EMC2: variants seen among roughly 807,000 people sequenced by gnomAD.
EMC2 encodes the protein ER membrane protein complex subunit 2, also known as TPR repeat protein 35.
In EMC2, 37 loss-of-function variants were observed where a neutral mutation model predicts 51.6. The ratio of observed to expected loss-of-function variants is 0.72; its 90% CI spans 0.55 to 0.94. The LOEUF (loss-of-function observed/expected upper bound fraction) is 0.94. Among genes scored for constraint, EMC2 ranks in the 40% least tolerant of loss-of-function variants. EMC2 has a pLI of 0.00. For missense variants in EMC2, 359 were observed against 350.9 expected (o/e 1.02, Z -0.18); for synonymous variants, 131 against 112.4 (o/e 1.17, Z -1.04).
At chr8:108,467,373 G>A (rs562027790) in intron 5 of EMC2, among the ~76,000 whole-genome samples, 14 of 150,502 alleles carry the variant, frequency 9.3e-5, no homozygotes, top group Admixed American at 7.9e-4. Flanking sequence ...TTTTGAGACC[G>A]AGTCTCGCTC....
chr8:108,481,433 G>A (rs998089209), intron 10 of EMC2, among the ~76,000 whole-genome samples: 2 of 151,874 alleles, frequency 1.3e-5, no homozygotes, highest in African/African-American at 4.8e-5. Context: ...GAGTAGGCTT[G>A]GGGGTGTGTG....
rs544424989 is a variant in EMC2 at position 108,450,754 on chromosome 8, A to G, written c.219+262A>G. ...ATCTGCTTAGTAAGTGACTTATCCT[A>G]TTTTATAGAGTTTAAAATAAGAAAG... is the stretch of plus-strand genomic sequence containing the variant. On this transcript the variant is annotated intron_variant, in intron 3 of 10. Transcript: ENST00000220853. 3.9e-5 allele frequency among the ~76,000 whole-genome samples: 6 copies of G among 152,298 alleles called. No homozygotes were observed. The East Asian group carries it at 1.2e-3, about 29-fold the overall frequency.
At chr8:108,469,710 G>T (rs1810812682) in intron 5 of EMC2, 116 bp from the exon 6 acceptor site, 1 of 804,602 alleles carries the variant, frequency 1.2e-6, no homozygotes, top group Non-Finnish European at 2.1e-6. Flanking sequence ...CTAAGCAGTA[G>T]TTCTACAATG....
intron 9 of EMC2, 31 bp downstream of exon 9, chr8:108,476,923 T>C (rs773760939): frequency 1.9e-6 from 2 of 1,052,534 alleles, no homozygotes; most frequent in Non-Finnish European, 3.0e-6. Context: ...AATGTTATTT[T>C]TAAAAATCTG....
intron 5 of EMC2, among the ~76,000 whole-genome samples, chr8:108,461,072 A>G (rs181586495): frequency 5.4e-4 from 83 of 152,360 alleles, no homozygotes; most frequent in African/African-American, 1.9e-3. Flanking sequence ...CTAATATGCA[A>G]CAGCTAAAGT....
intron 3 of EMC2, among the ~76,000 whole-genome samples, chr8:108,452,136 T>C (rs2130340977): frequency 6.6e-6 from 1 of 152,372 alleles, no homozygotes; most frequent in African/African-American, 2.4e-5. Context: ...GCTGAGAATG[T>C]AGATACTCAG....
At chr8:108,449,336 C>T (rs939839313) in intron 1 of EMC2, among the ~76,000 whole-genome samples, 8 of 151,438 alleles carry the variant, frequency 5.3e-5, no homozygotes, top group Non-Finnish European at 8.8e-5. Context: ...TGCAGTGGCA[C>T]GATCTCGGCT....
At chr8:108,456,332 C>CAAAAAAAA (rs869162246) in intron 5 of EMC2, among the ~76,000 whole-genome samples, 6 of 23,604 alleles carry the variant, frequency 2.5e-4, no homozygotes, top group South Asian at 2.0e-3. Context: ...GACTTCGTGT[C>CAAAAAAAA]AAAAAAAAAA....
chr8:108,466,329 CTG>C (rs1819463854), intron 5 of EMC2, among the ~76,000 whole-genome samples: 1 of 151,746 alleles, frequency 6.6e-6, no homozygotes, highest in African/African-American at 2.4e-5. Context: ...GTTAACGAGA[CTG>C]TACTTGCTGC....
chr8:108,470,931 G>A (rs1810843350), intron 7 of EMC2: 3 of 151,960 alleles, frequency 2.0e-5, no homozygotes. Context: ...CAACTGATGA[G>A]AAACAGAATG....
chr8:108,467,356 T>G (rs1228183214), intron 5 of EMC2, among the ~76,000 whole-genome samples: 2 of 146,214 alleles, frequency 1.4e-5, no homozygotes, highest in Non-Finnish European at 3.0e-5. Context: ...TTTAAGTGGC[T>G]TTTTTTTTTT....
chr8:108,486,748 T>G lies in EMC2; in HGVS notation c.*150T>G. The G allele has an allele frequency of 1.3e-6, 1 of 752,302 alleles. No homozygotes were observed. The highest frequency in any genetic ancestry group is 1.8e-5 in the African/African-American group (1 of 54,902). 46.6% of individuals were successfully genotyped at this position (752,302 alleles called of 1,614,324 possible). ...TGTAAAGAATGTGTTTATATAAACC[T>G]AAAAATGCCTTTTACTGCTAAGTGG... On this transcript the variant is annotated 3_prime_UTR_variant, in exon 11 of 11. Transcript: ENST00000220853.
intron 5 of EMC2, among the ~76,000 whole-genome samples, chr8:108,458,922 T>C (rs1429927056): frequency 6.6e-6 from 1 of 152,232 alleles, no homozygotes; most frequent in Admixed American, 6.5e-5. Flanking sequence ...CTTGTAAAAC[T>C]GAATGCCTTT....
intron 7 of EMC2, among the ~76,000 whole-genome samples, chr8:108,471,455 A>G (rs1810854762): frequency 6.6e-6 from 1 of 151,916 alleles, no homozygotes; most frequent in African/African-American, 2.4e-5. Context: ...TTTGAGAAAC[A>G]CAGTAAAGCA....
At chr8:108,467,004 C>G (rs1810735383) in intron 5 of EMC2, among the ~76,000 whole-genome samples, 1 of 152,086 alleles carries the variant, frequency 6.6e-6, no homozygotes, top group Non-Finnish European at 1.5e-5. Flanking sequence ...TGAACAGATT[C>G]AGGAGTCCCA....
At chr8:108,474,846 A>G (rs577201383) in intron 7 of EMC2, 6 of 151,964 alleles carry the variant, frequency 3.9e-5, no homozygotes, top group Admixed American at 2.0e-4. Flanking sequence ...GCATGTTGAT[A>G]ATAATTTCCT....
intron 1 of EMC2, among the ~76,000 whole-genome samples, chr8:108,445,679 T>C (rs902048021): frequency 2.0e-5 from 3 of 152,196 alleles, no homozygotes; most frequent in African/African-American, 7.2e-5. Flanking sequence ...TCTAATACTA[T>C]TGAAGCACTT....
intron 1 of EMC2, 101 bp from the exon 2 acceptor site, chr8:108,449,722 C>G (rs1021226155): frequency 1.8e-5 from 10 of 565,386 alleles, no homozygotes; most frequent in Non-Finnish European, 2.9e-5. Flanking sequence ...TTTTCCTTAC[C>G]TAAAAAGCTG....
chr8:108,448,147 T>C lies in EMC2; in HGVS notation c.41-1676T>C, dbSNP rs1818925322. 2.6e-5 allele frequency among the ~76,000 whole-genome samples: 4 copies of C among 152,094 alleles called. No homozygotes were observed. In the South Asian group the frequency reaches 8.3e-4, roughly 31 times the overall value. ...AACTTAAAAACAAAAATATCCAAAC[T>C]ATTGTACGAACCAAGCAACTTTATA... On this transcript the variant is annotated intron_variant, in intron 1 of 10. Transcript: ENST00000220853.
Sources: allele counts gnomAD v4.1 joint callset (sites outside exome capture counted in the v4.1 genomes callset), GRCh38; gene constraint gnomAD v4.1.1; transcripts MANE v1.5; gene names NCBI Gene and HGNC (gene_info 2026-07-23, HGNC 2026-07-21).